Variants in GPM6A observed in about 807,000 individuals in gnomAD.
GPM6A encodes glycoprotein M6A.
In GPM6A, 7 loss-of-function variants were observed where a neutral mutation model predicts 32.1. The ratio of observed to expected loss-of-function variants is 0.22; its 90% CI spans 0.12 to 0.41. The LOEUF is 0.41. GPM6A is among the 10% of genes least tolerant of loss of function. The pLI is 1.00. For missense variants in GPM6A, 235 were observed against 347.2 expected (o/e 0.68, Z 2.57); for synonymous variants, 130 against 123.4 (o/e 1.05, Z -0.35).
chr4:175,767,220 A>G (rs2111223954), intron 1 of GPM6A, among the ~76,000 whole-genome samples: 1 of 152,300 alleles, frequency 6.6e-6, no homozygotes, highest in East Asian at 1.9e-4. Context: ...CAAAGAAGTT[A>G]GAGAGTTTAT....
chr4:175,790,705 A>T (rs565996893), intron 1 of GPM6A, among the ~76,000 whole-genome samples: 5 of 152,304 alleles, frequency 3.3e-5, no homozygotes, highest in African/African-American at 1.2e-4. Context: ...AAAGTTGTAT[A>T]TCCTTTTCGT....
chr4:175,962,183 T>A, intron 1 of GPM6A: 1 of 1,120,276 alleles, frequency 8.9e-7, no homozygotes, highest in South Asian at 1.2e-5. Context: ...AGCACCTGCT[T>A]TCTTTGCCCC....
chr4:175,687,201 CTCT>C (rs1202050137), intron 2 of GPM6A, among the ~76,000 whole-genome samples: 1 of 151,850 alleles, frequency 6.6e-6, no homozygotes, highest in Admixed American at 6.6e-5. Context: ...GGGATTTACT[CTCT>C]TAACATATTT....
At chr4:175,750,811 GAT>G (rs1230197346) in intron 1 of GPM6A, among the ~76,000 whole-genome samples, 5 of 152,016 alleles carry the variant, frequency 3.3e-5, no homozygotes, top group Non-Finnish European at 7.4e-5. Flanking sequence ...GACCTCAAAT[GAT>G]CTGCCCACCT....
At chr4:175,872,059 C>T (rs1223346336) in intron 1 of GPM6A, among the ~76,000 whole-genome samples, 1 of 152,028 alleles carries the variant, frequency 6.6e-6, no homozygotes, top group Non-Finnish European at 1.5e-5. Context: ...TCAGAGATTC[C>T]ACATATTTAT....
intron 1 of GPM6A, among the ~76,000 whole-genome samples, chr4:175,842,212 T>G (rs983637634): frequency 3.3e-5 from 5 of 152,184 alleles, no homozygotes; most frequent in Non-Finnish European, 7.3e-5. Flanking sequence ...CTTCCTAAAT[T>G]TAAATGATTC....
intron 1 of GPM6A, among the ~76,000 whole-genome samples, chr4:175,911,365 C>A (rs1431596548): frequency 6.6e-6 from 1 of 152,142 alleles, no homozygotes; most frequent in Non-Finnish European, 1.5e-5. Context: ...TAAACATTGG[C>A]AAGAGGTTTT....
At chr4:175,832,501 A>G (rs1378122484) in intron 1 of GPM6A, among the ~76,000 whole-genome samples, 1 of 93,242 alleles carries the variant, frequency 1.1e-5, no homozygotes, top group African/African-American at 3.6e-5. Context: ...GGTAGGTACT[A>G]AAAACATAGA....
At chr4:175,931,140 A>AGAAAT (rs1336119796) in intron 1 of GPM6A, among the ~76,000 whole-genome samples, 1 of 152,168 alleles carries the variant, frequency 6.6e-6, no homozygotes, top group African/African-American at 2.4e-5. Flanking sequence ...TGAGATAGGC[A>AGAAAT]CAGTTCTAAG....
chr4:175,755,283 A>G (rs1184623024), intron 1 of GPM6A, among the ~76,000 whole-genome samples: 2 of 124,902 alleles, frequency 1.6e-5, no homozygotes, highest in Non-Finnish European at 3.6e-5. Context: ...GAAAAAAAAT[A>G]AACAAATATG....
chr4:175,932,198 G>A (rs753811226), intron 1 of GPM6A, among the ~76,000 whole-genome samples: 3 of 152,106 alleles, frequency 2.0e-5, no homozygotes, highest in Non-Finnish European at 4.4e-5. Flanking sequence ...CTTCCAAAAT[G>A]CAGGTGTTGC....
intron 1 of GPM6A, among the ~76,000 whole-genome samples, chr4:175,835,223 A>C (rs1735727715): frequency 6.6e-6 from 1 of 152,218 alleles, no homozygotes; most frequent in African/African-American, 2.4e-5. Flanking sequence ...AGAATATCAT[A>C]CACTAAGACT....
chr4:175,773,211 T>C (rs1733259506), intron 1 of GPM6A, among the ~76,000 whole-genome samples: 1 of 152,214 alleles, frequency 6.6e-6, no homozygotes. Flanking sequence ...TTTCTATATG[T>C]GAGGCTTCTT....
At chr4:175,834,847 G>A (rs1735715993) in intron 1 of GPM6A, among the ~76,000 whole-genome samples, 1 of 152,172 alleles carries the variant, frequency 6.6e-6, no homozygotes, top group Non-Finnish European at 1.5e-5. Flanking sequence ...GAAGAACAAA[G>A]AAGCATAAAG....
chr4:175,704,196 C>G (rs573708960), intron 1 of GPM6A, among the ~76,000 whole-genome samples: 5 of 152,056 alleles, frequency 3.3e-5, no homozygotes, highest in Non-Finnish European at 7.4e-5. Flanking sequence ...TCTAGTCCAT[C>G]CCATCTGCCC....
rs1448112348 is a variant in GPM6A at position 175,782,781 on chromosome 4, TTAAG to T, written c.37+29406_37+29409del. Among the ~76,000 whole-genome samples the T allele has an allele frequency of 3.9e-5, 6 of 152,066 alleles. No individual in the cohort carries two copies. The East Asian group carries it at 7.7e-4, about 20-fold the overall frequency. ...ACTTATTAATAAATAAATGTCAAAATTAAGTAGTGAAAATAATTATTCTCATTTC... is the reference window on the plus strand; with the variant it reads ...ACTTATTAATAAATAAATGTCAAAATTAGTGAAAATAATTATTCTCATTTC... On this transcript the variant is annotated intron_variant, in intron 1 of 6. Coordinates refer to ENST00000393658, the MANE Select transcript of GPM6A (RefSeq NM_201591.3).
At chr4:175,803,452 C>T (rs964784049) in intron 1 of GPM6A, among the ~76,000 whole-genome samples, 1 of 152,060 alleles carries the variant, frequency 6.6e-6, no homozygotes, top group African/African-American at 2.4e-5. Flanking sequence ...TGCTTGGTCA[C>T]CTTTTTAAAT....
intron 1 of GPM6A, among the ~76,000 whole-genome samples, chr4:175,995,046 G>C (rs925046279): frequency 2.0e-5 from 3 of 152,096 alleles, no homozygotes; most frequent in African/African-American, 7.2e-5. Context: ...CACATCTTCA[G>C]GCTCCACTTC....
At chr4:175,654,785 A>G (rs1650108556) in intron 3 of GPM6A, among the ~76,000 whole-genome samples, 1 of 151,268 alleles carries the variant, frequency 6.6e-6, no homozygotes, top group South Asian at 2.1e-4. Flanking sequence ...TGTAGATCTC[A>G]AGGCTAATGT....
Sources: allele counts gnomAD v4.1 joint callset (sites outside exome capture counted in the v4.1 genomes callset), GRCh38; gene constraint gnomAD v4.1.1; transcripts MANE v1.5; gene names NCBI Gene and HGNC (gene_info 2026-07-23, HGNC 2026-07-21).